ARHGAP35: variants seen among roughly 807,000 people sequenced by gnomAD.
ARHGAP35 encodes the protein Rho GTPase activating protein 35.
ARHGAP35 carries 15 observed loss-of-function variants against 111.1 expected under a neutral mutation model. That is an observed-to-expected ratio of 0.13 (90% CI 0.09 to 0.21). The LOEUF is 0.21. ARHGAP35 is among the 10% of genes least tolerant of loss of function. ARHGAP35 has a pLI of 1.00. For synonymous variants in ARHGAP35, 643 were observed against 710.3 expected, an observed-to-expected ratio of 0.91 and a Z score of 1.51; for missense variants, 1,262 against 1,873.0, an observed-to-expected ratio of 0.67 and a Z score of 6.02.
rs368777560 is a variant in ARHGAP35, at chr19:46,921,640, A to G, written c.2965A>G (p.Ile989Val). 1.4e-4 allele frequency: 228 copies of G among 1,613,900 alleles called. No homozygotes were observed. Among genetic ancestry groups the G allele is most frequent in the Non-Finnish European group, 1.9e-4 (227 of 1,179,910 alleles). Residue 989 changes from isoleucine (I) to valine (V), a missense_variant, in exon 2 of 7, where the codon ATC (isoleucine) becomes GTC (valine). Coordinates refer to ENST00000672722, the MANE Select transcript of ARHGAP35 (RefSeq NM_004491.5). This position sits in a 1 kb window ranked among gnomAD's most constrained non-coding sequence, Gnocchi z 4.3. ...NSNLQDSEEDIEPSYSLFRED... is the reference protein window; with the variant it reads ...NSNLQDSEEDVEPSYSLFRED... ...AAACCTGCAGGATTCAGAAGAAGAT[A>G]TCGAGCCATCTTACAGCCTGTTTCG...
chr19:46,904,309 A>G (rs374136537), intron 1 of ARHGAP35, among the ~76,000 whole-genome samples: 36 of 152,308 alleles, frequency 2.4e-4, no homozygotes, highest in African/African-American at 8.4e-4. Flanking sequence ...GAGACAGCAG[A>G]TCATGTTCAT....
intron 1 of ARHGAP35, among the ~76,000 whole-genome samples, chr19:46,869,557 C>T (rs1005306119): frequency 4.6e-5 from 7 of 151,696 alleles, no homozygotes; most frequent in Non-Finnish European, 1.0e-4. Flanking sequence ...TGCTTTTCCC[C>T]CATTTTCATT....
chr19:46,902,649 G>A (rs773357409), intron 1 of ARHGAP35, among the ~76,000 whole-genome samples: 3 of 152,164 alleles, frequency 2.0e-5, no homozygotes, highest in Non-Finnish European at 4.4e-5. Context: ...GTTACAGTCA[G>A]TAAGGAAAAT....
chr19:46,987,498 A>G (rs2056657518), intron 3 of ARHGAP35, among the ~76,000 whole-genome samples: 1 of 152,160 alleles, frequency 6.6e-6, no homozygotes, highest in African/African-American at 2.4e-5. Context: ...TACAGGCGTG[A>G]GCCACCGCTC....
intron 3 of ARHGAP35, among the ~76,000 whole-genome samples, chr19:46,982,504 C>CCTAAGGG (rs1178155078): frequency 2.6e-5 from 4 of 151,876 alleles, no homozygotes; most frequent in Non-Finnish European, 5.9e-5. Context: ...TTAAGCAATG[C>CCTAAGGG]CTAAGGGCTT....
In ARHGAP35 at chr19:46,993,476, G is replaced by A. The variant is rs1306797076; in HGVS notation, c.4036+3801G>A. The stretch of plus-strand genomic sequence containing the variant: ...GTTCTTTGGGAACAGGGTCTCTGCC[G>A]CCACTTTGTTTGACCTTGGACCGGT... On this transcript the variant is annotated intron_variant, in intron 5 of 6. Coordinates refer to ENST00000672722, the MANE Select transcript of ARHGAP35 (RefSeq NM_004491.5). The surrounding 1 kb of genome is among the most constrained non-coding windows in gnomAD (Gnocchi z 4.6). 6.6e-6 allele frequency among the ~76,000 whole-genome samples: 1 copy of A among 152,206 alleles called. No homozygotes were observed. Among genetic ancestry groups the A allele is most frequent in the African/African-American group, 2.4e-5 (1 of 41,442 alleles).
chr19:46,862,890 TCTCA>T (rs2055836546), intron 1 of ARHGAP35, among the ~76,000 whole-genome samples: 1 of 152,172 alleles, frequency 6.6e-6, no homozygotes, highest in Admixed American at 6.6e-5. Flanking sequence ...CTTTTGGAGT[TCTCA>T]CTCCAATTGT....
chr19:46,999,602 C>T lies in ARHGAP35; in HGVS notation c.4142+193C>T. On this transcript the variant is annotated intron_variant, in intron 6 of 6. Coordinates refer to ENST00000672722, the MANE Select transcript of ARHGAP35 (RefSeq NM_004491.5). This position sits in a 1 kb window ranked among gnomAD's most constrained non-coding sequence, Gnocchi z 5.4. ...CCTCTGCCTCTCGCCCATCCTCAGG[C>T]CTCCCTCCTGCTCCTGTCTGAGGGC... The T allele has an allele frequency of 1.7e-6, 1 of 586,242 alleles. No homozygotes were observed. Among genetic ancestry groups the T allele is most frequent in the South Asian group, 2.1e-5 (1 of 47,122 alleles). 36.3% of individuals were successfully genotyped at this position (586,242 alleles called of 1,614,324 possible).
At chr19:46,905,031 C>T (rs1161439445) in intron 1 of ARHGAP35, among the ~76,000 whole-genome samples, 1 of 152,190 alleles carries the variant, frequency 6.6e-6, no homozygotes, top group Non-Finnish European at 1.5e-5. Flanking sequence ...TTTCATTTCT[C>T]TCTGTCTCAG....
intron 3 of ARHGAP35, among the ~76,000 whole-genome samples, chr19:46,983,081 A>AAG (rs1467746863): frequency 1.3e-5 from 2 of 150,584 alleles, no homozygotes; most frequent in African/African-American, 4.9e-5. Context: ...AAAAAAAAAA[A>AAG]AAATTCTTGG....
In ARHGAP35 at chr19:46,920,107, G is replaced by A; in HGVS notation, c.1432G>A (p.Gly478Ser). The change falls in exon 2 of 7, where the codon GGC becomes AGC. Residue 478 changes from glycine (G) to serine (S), a missense_variant. By Grantham distance (56) the Gly-to-Ser change is moderately conservative. This residue lies in a region of ARHGAP35 where 328 missense variants were observed against 440.8 expected (regional missense o/e 0.74). Transcript: ENST00000672722. The surrounding 1 kb of genome is among the most constrained non-coding windows in gnomAD (Gnocchi z 7.0). The stretch of plus-strand genomic sequence containing the variant: ...GGAATCTGTATACATGGATATTTAT[G>A]GCAAACACCAAAAGCAAATTATAGA... ...LEESVYMDIYGKHQKQIIDKA... is the reference protein window; with the variant it reads ...LEESVYMDIYSKHQKQIIDKA... 1 of 1,613,898 alleles carries A rather than the reference G, an allele frequency of 6.2e-7. No individual in the cohort carries two copies. The highest frequency in any genetic ancestry group is 8.5e-7 in the Non-Finnish European group (1 of 1,179,856).
At chr19:46,982,452 G>A (rs1419217977) in intron 3 of ARHGAP35, among the ~76,000 whole-genome samples, 1 of 151,616 alleles carries the variant, frequency 6.6e-6, no homozygotes, top group Non-Finnish European at 1.5e-5. Flanking sequence ...ACTCCAGCCT[G>A]GGCAACAGAG....
At position 46,919,975 on chromosome 19, in the gene ARHGAP35, A is replaced by G. The variant is rs2122195454; in HGVS notation, c.1300A>G (p.Arg434Gly). The G allele has an allele frequency of 6.2e-7, 1 of 1,614,022 alleles. No individual in the cohort carries two copies. The highest frequency in any genetic ancestry group is 2.2e-5 in the East Asian group (1 of 44,882). The change falls in exon 2 of 7, where the codon AGG (arginine) becomes GGG (glycine). Residue 434 changes from arginine to glycine, a missense_variant. Transcript: ENST00000672722. This position sits in a 1 kb window ranked among gnomAD's most constrained non-coding sequence, Gnocchi z 6.2. The part of the protein sequence containing the change: ...RNERKRVEMR[R>G]AFKENLETSP... ...CGAAAGGAAAAGAGTTGAGATGCGAAGGGCGTTTAAAGAAAACCTGGAGAC... is the reference window on the plus strand; with the variant it reads ...CGAAAGGAAAAGAGTTGAGATGCGAGGGGCGTTTAAAGAAAACCTGGAGAC...
Position 46,920,885 on chromosome 19 carries a change from C to A in ARHGAP35, c.2210C>A (p.Ser737Tyr). Residue 737 changes from serine to tyrosine, a missense_variant, in exon 2 of 7, where the codon TCT (serine) becomes TAT (tyrosine). Physicochemically the swap from Ser to Tyr is moderately radical, Grantham distance 144 (BLOSUM62 -2). This residue lies in a region of ARHGAP35 where 579 missense variants were observed against 716.9 expected (regional missense o/e 0.81). Transcript: ENST00000672722. This position sits in a 1 kb window ranked among gnomAD's most constrained non-coding sequence, Gnocchi z 7.0. ...KLQCVFLDPASAGIGYGRNIN... is the reference protein window; with the variant it reads ...KLQCVFLDPAYAGIGYGRNIN... The stretch of plus-strand genomic sequence containing the variant: ...CAGTGTGTCTTTCTCGACCCTGCTT[C>A]TGCTGGCATTGGTTACGGACGCAAC... The A allele has an allele frequency of 6.2e-7, 1 of 1,613,958 alleles. No homozygotes were observed. The highest frequency in any genetic ancestry group is 8.5e-7 in the Non-Finnish European group (1 of 1,179,864).
intron 3 of ARHGAP35, among the ~76,000 whole-genome samples, chr19:46,980,835 G>T (rs1187105054): frequency 1.3e-5 from 2 of 152,206 alleles, no homozygotes; most frequent in African/African-American, 4.8e-5. Flanking sequence ...TTTCCACTTA[G>T]ATCATTAGGA....
intron 1 of ARHGAP35, among the ~76,000 whole-genome samples, chr19:46,906,029 A>G (rs2056105877): frequency 6.6e-6 from 1 of 151,492 alleles, no homozygotes. Context: ...TACAAAACAG[A>G]TCAAAAGCTA....
At chr19:46,895,213 G>C (rs2056047391) in intron 1 of ARHGAP35, among the ~76,000 whole-genome samples, 1 of 151,540 alleles carries the variant, frequency 6.6e-6, no homozygotes, top group Admixed American at 6.6e-5. Context: ...ACCCAGGCTG[G>C]AGTCCAGTGG....
chr19:46,998,483 G>A (rs2056727942), intron 5 of ARHGAP35, among the ~76,000 whole-genome samples: 1 of 152,236 alleles, frequency 6.6e-6, no homozygotes, highest in African/African-American at 2.4e-5. Context: ...GCCCTTCCCA[G>A]TCAAGGTGGG....
chr19:46,937,406 C>A lies in ARHGAP35; in HGVS notation c.3824C>A (p.Thr1275Lys). 6.2e-7 allele frequency: 1 copy of A among 1,613,900 alleles called. No individual in the cohort carries two copies. The highest frequency in any genetic ancestry group is 8.5e-7 in the Non-Finnish European group (1 of 1,179,824). The change falls in exon 3 of 7, where the codon ACA (threonine) becomes AAA (lysine). Residue 1275 changes from threonine to lysine, a missense_variant and splice_region_variant. Physicochemically the swap from Thr to Lys is moderately conservative, Grantham distance 78 (BLOSUM62 -1). Around this residue, in one of 8 missense-constraint regions of ARHGAP35, gnomAD observed 45 missense variants for 118.2 expected, o/e 0.38. Coordinates refer to ENST00000672722, the MANE Select transcript of ARHGAP35 (RefSeq NM_004491.5). ...AGATGTATTGAGTACATTGAAGCCA[C>A]AGGTAAGAGTATTACCTCATAGCAG... ...IERCIEYIEA[T>K]GLSTEGIYRV...
Sources: allele counts gnomAD v4.1 joint callset (sites outside exome capture counted in the v4.1 genomes callset), GRCh38; gene constraint gnomAD v4.1.1; regional missense constraint gnomAD v4.1.1; non-coding constraint Gnocchi (gnomAD v3.1); transcripts MANE v1.5; gene names NCBI Gene and HGNC (gene_info 2026-07-23, HGNC 2026-07-21).